The following GREB1 variants were observed in gnomAD, a reference collection of about 807,000 sequenced individuals.
The protein encoded by GREB1 is growth regulating estrogen receptor binding 1.
A neutral mutation model predicts 200.7 loss-of-function variants in GREB1; 106 were observed. The observed-to-expected ratio is 0.53, with a 90% CI of 0.45 to 0.62. The LOEUF (loss-of-function observed/expected upper bound fraction) is 0.62. GREB1 is among the 20% of genes least tolerant of loss of function. GREB1 has a pLI of 0.00. For missense variants in GREB1, 2,243 were observed against 2,556.8 expected (o/e 0.88, Z 2.65); for synonymous variants, 1,132 against 1,092.4 (o/e 1.04, Z -0.72).
rs372034136 is a variant in GREB1 at position 11,638,706 on chromosome 2, T to C, written c.5583T>C (p.Ser1861=). Residue 1861 remains serine (S), a synonymous_variant, in exon 32 of 33, where the codon TCT becomes TCC. Transcript: ENST00000381486. ...SVCYVSSRPH[S]LNISCSDLLF... The stretch of plus-strand genomic sequence containing the variant: ...GCTATGTGAGCTCCAGGCCCCACTC[T>C]TTAAACATCAGCTGCTCGGACTTGC... 2.5e-6 allele frequency: 4 copies of C among 1,614,194 alleles called. No individual in the cohort carries two copies. The South Asian group carries it at 4.4e-5, about 18-fold the overall frequency.
At position 11,588,886 on chromosome 2, in the gene GREB1, G is replaced by C; in HGVS notation, c.1300G>C (p.Glu434Gln). Reference sequence around the variant, plus strand: ...CGCCTCTGCCATCCAGCCCATCTCCGAGGAGATGCAGCTCCTGCTTACCGT... The same window carrying C: ...CGCCTCTGCCATCCAGCCCATCTCCCAGGAGATGCAGCTCCTGCTTACCGT... ...YGASAIQPISEEMQLLLTVYY... is the reference protein window; with the variant it reads ...YGASAIQPISQEMQLLLTVYY... The change falls in exon 10 of 33, where the codon GAG becomes CAG. Residue 434 changes from glutamate (E) to glutamine (Q), a missense_variant. Glu to Gln is a conservative substitution (Grantham distance 29, BLOSUM62 2). This residue lies in a region of GREB1 where 1,178 missense variants were observed against 1,387.4 expected (regional missense o/e 0.85). Coordinates refer to ENST00000381486, the MANE Select transcript of GREB1 (RefSeq NM_014668.4). 1 of 1,613,950 alleles carries C rather than the reference G, an allele frequency of 6.2e-7. No individual in the cohort carries two copies. The highest frequency in any genetic ancestry group is 1.6e-4 in the Middle Eastern group (1 of 6,062).
At chr2:11,571,707 C>G (rs1193889524) in intron 4 of GREB1, among the ~76,000 whole-genome samples, 2 of 151,998 alleles carry the variant, frequency 1.3e-5, no homozygotes, top group Admixed American at 1.3e-4. Flanking sequence ...ATTAATGAAC[C>G]ATGCATTTTT....
At chr2:11,587,307 C>CT (rs1188504669) in intron 9 of GREB1, 4 of 1,098,708 alleles carry the variant, frequency 3.6e-6, no homozygotes, top group Non-Finnish European at 5.6e-6. Flanking sequence ...TGTCACTTCT[C>CT]TGTCCCTCTT....
intron 1 of GREB1, among the ~76,000 whole-genome samples, chr2:11,522,270 A>G (rs1021220443): frequency 1.3e-5 from 2 of 152,190 alleles, no homozygotes; most frequent in Non-Finnish European, 2.9e-5. Flanking sequence ...TGGAACACTA[A>G]GTATGTAGGA....
chr2:11,640,016 CCTCT>C lies in GREB1; in HGVS notation c.5687-271_5687-268del, dbSNP rs1275576352. On this transcript the variant is annotated intron_variant, in intron 32 of 32. Coordinates refer to ENST00000381486, the MANE Select transcript of GREB1 (RefSeq NM_014668.4). The surrounding 1 kb of genome is among the most constrained non-coding windows in gnomAD (Gnocchi z 4.6). ...GATGCTTGGTTTGCGATTCCACCAG[CCTCT>C]CTCCTTCCTCTCCGCACCTCGGTTC... Among the ~76,000 whole-genome samples, 2 of 152,078 alleles carry C rather than the reference CCTCT, an allele frequency of 1.3e-5. No homozygotes were observed. The highest frequency in any genetic ancestry group is 2.9e-5 in the Non-Finnish European group (2 of 68,024).
chr2:11,618,232 G>GACTCCTGGGACAGGCC, intron 21 of GREB1, 56 bp from the exon 22 acceptor site: 1 of 1,351,884 alleles, frequency 7.4e-7, no homozygotes, highest in South Asian at 1.5e-5. Flanking sequence ...TGGGATGGGT[G>GACTCCTGGGACAGGCC]ACTCCTGGGA....
intron 23 of GREB1, among the ~76,000 whole-genome samples, chr2:11,623,707 A>T (rs1420922314): frequency 6.6e-6 from 1 of 152,216 alleles, no homozygotes; most frequent in Non-Finnish European, 1.5e-5. Flanking sequence ...TCTGGCGAAC[A>T]TGGTGAAACC....
At chr2:11,486,622 C>T (rs1672662200) in intron 1 of GREB1, among the ~76,000 whole-genome samples, 1 of 152,000 alleles carries the variant, frequency 6.6e-6, no homozygotes, top group Non-Finnish European at 1.5e-5. Flanking sequence ...AATCCCAGCA[C>T]TTTGGGAGGC....
intron 17 of GREB1, among the ~76,000 whole-genome samples, chr2:11,605,158 T>TTTTTTTG: frequency 8.0e-6 from 1 of 124,304 alleles, no homozygotes. Flanking sequence ...TTTTTTTTTT[T>TTTTTTTG]TTTTTTTTTT....
chr2:11,510,096 G>A (rs968146455), intron 1 of GREB1, among the ~76,000 whole-genome samples: 5 of 152,194 alleles, frequency 3.3e-5, no homozygotes, highest in East Asian at 1.9e-4. Flanking sequence ...ACATCCAGTC[G>A]CTGTTCCCTT....
intron 9 of GREB1, 52 bp from the exon 10 acceptor site, chr2:11,588,694 A>T: frequency 6.6e-7 from 1 of 1,518,952 alleles, no homozygotes; most frequent in Non-Finnish European, 9.2e-7. Flanking sequence ...CATGTATGGG[A>T]CCGTAAGCTG....
At chr2:11,613,517 T>C (rs996962725) in intron 19 of GREB1, among the ~76,000 whole-genome samples, 5 of 152,224 alleles carry the variant, frequency 3.3e-5, no homozygotes, top group Non-Finnish European at 7.3e-5. Context: ...TAAGCCAGTC[T>C]GGCCAGCAGT....
Position 11,538,696 on chromosome 2 carries a change from CCCTCCCTCCCTCCCTT to C in GREB1, c.-162+4453_-162+4468del, listed in dbSNP as rs1674442413. Among the ~76,000 whole-genome samples the C allele has an allele frequency of 2.0e-5, 2 of 100,542 alleles. 1 individual carries two copies. The highest frequency in any genetic ancestry group is 4.0e-5 in the Non-Finnish European group (2 of 50,082). 66.0% of individuals were successfully genotyped at this position (100,542 alleles called of 152,430 possible). A position where few individuals can be genotyped will look rare whatever the true frequency, so the allele number is the denominator to read the frequency against. ...TTCTTTCTTTCTTTCTTTCCTTCCT[CCCTCCCTCCCTCCCTT>C]CCTCCCTCCCCCTCTCTCTCACTTT... On this transcript the variant is annotated intron_variant, in intron 1 of 32. Transcript: ENST00000381486.
In GREB1 at chr2:11,588,777, C is replaced by T. The variant is rs1680431875; in HGVS notation, c.1191C>T (p.Asn397=). The T allele has an allele frequency of 1.9e-6, 3 of 1,614,186 alleles. No homozygotes were observed. Among genetic ancestry groups the T allele is most frequent in the Non-Finnish European group, 2.5e-6 (3 of 1,180,018 alleles). The change falls in exon 10 of 33, where the codon AAC becomes AAT. Residue 397 remains asparagine, a synonymous_variant. Coordinates refer to ENST00000381486, the MANE Select transcript of GREB1 (RefSeq NM_014668.4). ...GGAACTTCCCTTACCTCTGTGGGAA[C>T]CTGAATGACGTCGTGGTCAGCCCCC... ...GHGNFPYLCG[N]LNDVVVSPLL...
intron 22 of GREB1, among the ~76,000 whole-genome samples, chr2:11,619,334 T>TTC (rs1683808973): frequency 6.6e-6 from 1 of 152,162 alleles, no homozygotes; most frequent in Admixed American, 6.5e-5. Flanking sequence ...TGCATGGTGT[T>TTC]TCCTTAACAA....
At chr2:11,585,387 TG>T in intron 8 of GREB1, 113 bp downstream of exon 8, 1 of 658,910 alleles carries the variant, frequency 1.5e-6, no homozygotes, top group South Asian at 2.2e-5. Context: ...AATGTGCGTG[TG>T]TACTGATGAG....
chr2:11,485,586 T>G (rs1441104632), intron 1 of GREB1, among the ~76,000 whole-genome samples: 1 of 152,198 alleles, frequency 6.6e-6, no homozygotes, highest in East Asian at 1.9e-4. Context: ...AAGCTACATT[T>G]GAAACATCTG....
chr2:11,556,548 C>T lies in GREB1; in HGVS notation c.-67C>T, dbSNP rs10197364. ...TGCAGCTGTTTCACCTTCTACCTTG[C>T]GTGGAGCCAGGCTTTTGCACCGAAT... On this transcript the variant is annotated 5_prime_UTR_variant, in exon 2 of 33. Coordinates refer to ENST00000381486, the MANE Select transcript of GREB1 (RefSeq NM_014668.4). The T allele has an allele frequency of 0.014, 18,645 of 1,335,800 alleles. 1,290 individuals carry two copies. In the African/African-American group the frequency reaches 0.19, roughly 13 times the overall value. 82.7% of individuals were successfully genotyped at this position (1,335,800 alleles called of 1,614,324 possible). A position where few individuals can be genotyped will look rare whatever the true frequency, so the allele number is the denominator to read the frequency against.
intron 1 of GREB1, among the ~76,000 whole-genome samples, chr2:11,525,954 C>T (rs1364291326): frequency 6.6e-6 from 1 of 152,160 alleles, no homozygotes; most frequent in Non-Finnish European, 1.5e-5. Context: ...TTTAACTTTG[C>T]CCGGAGAGTA....
Sources: allele counts gnomAD v4.1 joint callset (sites outside exome capture counted in the v4.1 genomes callset), GRCh38; gene constraint gnomAD v4.1.1; regional missense constraint gnomAD v4.1.1; non-coding constraint Gnocchi (gnomAD v3.1); transcripts MANE v1.5; gene names NCBI Gene and HGNC (gene_info 2026-07-23, HGNC 2026-07-21).